The following DENND2C variants were observed in gnomAD, a reference collection of about 807,000 sequenced individuals.
DENND2C encodes DENN domain containing 2C.
A neutral mutation model predicts 112.4 loss-of-function variants in DENND2C; 72 were observed. That is an observed-to-expected ratio of 0.64 (90% CI 0.53 to 0.78). The LOEUF (loss-of-function observed/expected upper bound fraction) is 0.78. Among genes scored for constraint, DENND2C ranks in the 30% least tolerant of loss-of-function variants. The probability of loss-of-function intolerance (pLI) is 0.00; values close to 1 mark genes in which losing one functional copy is unlikely to be tolerated. For missense variants in DENND2C, 992 were observed against 1,113.8 expected, an observed-to-expected ratio of 0.89 and a Z score of 1.56; for synonymous variants, 329 against 381.6, an observed-to-expected ratio of 0.86 and a Z score of 1.61.
chr1:114,600,928 CA>C lies in DENND2C; in HGVS notation c.1847del (p.Met616SerfsTer45). On this transcript the variant is annotated frameshift_variant, in exon 14 of 21. Coordinates refer to ENST00000393274, the MANE Select transcript of DENND2C (RefSeq NM_001256404.2). LOFTEE classifies it high-confidence loss of function. ...TGAATGGGTAAACAAGGGCTGGAGA[CA>C]TTTCTCTTCTCTTCTCTACTTCATC... ...ILDEVEKRRE[M>X]SPALVYPFMR... The C allele has an allele frequency of 6.2e-7, 1 of 1,613,818 alleles. No individual in the cohort carries two copies. Among genetic ancestry groups the C allele is most frequent in the Admixed American group, 1.7e-5 (1 of 60,004 alleles).
chr1:114,598,646 C>T (rs1262340288), intron 16 of DENND2C, among the ~76,000 whole-genome samples: 1 of 152,032 alleles, frequency 6.6e-6, no homozygotes, highest in Non-Finnish European at 1.5e-5. Flanking sequence ...TTGCTTTAAC[C>T]ACTTATCTAT....
chr1:114,589,661 A>G lies in DENND2C; in HGVS notation c.2432-1709T>C, dbSNP rs192422560. Among the ~76,000 whole-genome samples the G allele has an allele frequency of 1.5e-3, 235 of 151,980 alleles. 2 individuals carry two copies. The highest frequency in any genetic ancestry group is 1.3e-3 in the Non-Finnish European group (89 of 67,974). ...GTATGAGCCACCACACCCAGCCCCA[A>G]CACTGCATTTATCTTCAACACTTTT... On this transcript the variant is annotated intron_variant, in intron 18 of 20. Transcript: ENST00000393274.
chr1:114,595,590 C>T (rs770343347), intron 17 of DENND2C: 3 of 412,180 alleles, frequency 7.3e-6, no homozygotes, highest in Non-Finnish European at 1.3e-5. Flanking sequence ...GTGGTTTTAC[C>T]TCTTTTGAGA....
chr1:114,667,805 C>T (rs1657687081), intron 1 of DENND2C, among the ~76,000 whole-genome samples: 1 of 152,132 alleles, frequency 6.6e-6, no homozygotes, highest in Non-Finnish European at 1.5e-5. Flanking sequence ...TTGAATCCTA[C>T]TTTTGCTATC....
intron 1 of DENND2C, among the ~76,000 whole-genome samples, chr1:114,660,131 C>G (rs1370417981): frequency 6.6e-6 from 1 of 152,116 alleles, no homozygotes. Context: ...TTCATAAAAT[C>G]TGCTTAGCTC....
intron 3 of DENND2C, 121 bp downstream of exon 3, chr1:114,645,327 T>C (rs1169302942): frequency 6.6e-6 from 1 of 152,146 alleles, no homozygotes; most frequent in African/African-American, 2.4e-5. Context: ...ATCCAATGAC[T>C]GGTGTACTTC....
intron 8 of DENND2C, among the ~76,000 whole-genome samples, chr1:114,616,872 G>A (rs886263161): frequency 1.3e-5 from 2 of 151,950 alleles, no homozygotes; most frequent in East Asian, 1.9e-4. Flanking sequence ...AAAGACATAC[G>A]TGAGACTGGG....
chr1:114,605,090 T>TA, intron 10 of DENND2C, 59 bp from the exon 11 acceptor site: 1 of 1,258,430 alleles, frequency 7.9e-7, no homozygotes, highest in Non-Finnish European at 1.1e-6. Context: ...GGAATAGAAA[T>TA]AAAAAACTCA....
intron 7 of DENND2C, among the ~76,000 whole-genome samples, chr1:114,620,332 A>G (rs1656130147): frequency 6.6e-6 from 1 of 152,172 alleles, no homozygotes; most frequent in East Asian, 1.9e-4. Flanking sequence ...AAACCTTCAG[A>G]AAAAATATTA....
At chr1:114,643,403 T>C (rs1019496848) in intron 3 of DENND2C, among the ~76,000 whole-genome samples, 6 of 152,190 alleles carry the variant, frequency 3.9e-5, no homozygotes, top group African/African-American at 1.2e-4. Flanking sequence ...ATATCTTGCA[T>C]AAGATTCTTC....
chr1:114,600,327 T>G lies in DENND2C; in HGVS notation c.1982A>C (p.Asp661Ala). The G allele has an allele frequency of 3.1e-6, 5 of 1,614,128 alleles. No individual in the cohort carries two copies. The highest frequency in any genetic ancestry group is 4.2e-6 in the Non-Finnish European group (5 of 1,180,020). The change falls in exon 15 of 21, where the codon GAT becomes GCT. Residue 661 changes from aspartate (D) to alanine (A), a missense_variant. Physicochemically the swap from Asp to Ala is moderately radical, Grantham distance 126. Around this residue, in one of 3 missense-constraint regions of DENND2C, gnomAD observed 516 missense variants for 623.6 expected, o/e 0.83. Transcript: ENST00000393274. Reference protein sequence around the residue: ...DESIELCRPLDSRLEHVDFKC... With the variant: ...DESIELCRPLASRLEHVDFKC... ...AAAATCAACATGTTCCAATCGGGAA[T>G]CTAGTGGTCGGCAGAGTTCAATGGA...
intron 2 of DENND2C, among the ~76,000 whole-genome samples, chr1:114,651,508 G>A (rs1223663647): frequency 2.0e-5 from 3 of 151,992 alleles, no homozygotes; most frequent in African/African-American, 7.3e-5. Context: ...GGAGGCTGAG[G>A]TGGGCAGATC....
intron 18 of DENND2C, 129 bp from the exon 19 acceptor site, chr1:114,588,081 G>A: frequency 5.2e-6 from 4 of 775,414 alleles, no homozygotes; most frequent in Non-Finnish European, 8.1e-6. Flanking sequence ...AAATCTAGGA[G>A]TGTTCATTCT....
Position 114,587,685 on chromosome 1 carries a change from TAGAG to T in DENND2C, c.2668+27_2668+30del, listed in dbSNP as rs1307849380. The T allele has an allele frequency of 3.2e-6, 5 of 1,566,288 alleles. No homozygotes were observed. The South Asian group carries it at 3.5e-5, about 11-fold the overall frequency. ...AAAATCTTTCAAGGTATTCACTAAA[TAGAG>T]AGGGAGAACTTTATAATGAAACTGA... On this transcript the variant is annotated intron_variant, in intron 19 of 20. Transcript: ENST00000393274.
At chr1:114,600,790 A>G (rs992350598) in intron 14 of DENND2C, 30 bp downstream of exon 14, 1 of 1,603,096 alleles carries the variant, frequency 6.2e-7, no homozygotes, top group Non-Finnish European at 8.5e-7. Flanking sequence ...TTTTAGTGCT[A>G]TCAAATCTTT....
At chr1:114,666,221 T>C (rs1423310689) in intron 1 of DENND2C, among the ~76,000 whole-genome samples, 1 of 152,118 alleles carries the variant, frequency 6.6e-6, no homozygotes, top group East Asian at 1.9e-4. Context: ...CAGGCCCCTA[T>C]CCTCCCTTAT....
At chr1:114,640,940 G>C (rs1029788667) in intron 3 of DENND2C, among the ~76,000 whole-genome samples, 2 of 152,028 alleles carry the variant, frequency 1.3e-5, no homozygotes, top group African/African-American at 4.8e-5. Context: ...CTGTGTACTA[G>C]TCTCAATTTG....
chr1:114,610,172 G>A (rs1171650736), intron 9 of DENND2C, among the ~76,000 whole-genome samples: 2 of 152,220 alleles, frequency 1.3e-5, no homozygotes, highest in East Asian at 3.8e-4. Flanking sequence ...TAAATAGGAA[G>A]TAGATAACTT....
At chr1:114,637,373 AAAAAAAAAAAAAAAAG>A (rs1656686166) in intron 3 of DENND2C, among the ~76,000 whole-genome samples, 1 of 32,974 alleles carries the variant, frequency 3.0e-5, no homozygotes, top group Non-Finnish European at 6.3e-5. Context: ...CTGTCTCAAA[AAAAAAAAAAAAAAAAG>A]AAAAGAAAAG....
Sources: gnomAD v4.1 joint callset for allele counts (sites outside exome capture counted in the v4.1 genomes callset) on GRCh38, gnomAD v4.1.1 for gene constraint, gnomAD v4.1.1 regional missense constraint, MANE v1.5 for transcripts, NCBI Gene and HGNC (gene_info 2026-07-23, HGNC 2026-07-21) for gene names.